The following FSTL5 variants were observed in gnomAD, a reference collection of about 807,000 sequenced individuals.
The protein encoded by FSTL5 is follistatin-related protein 5.
FSTL5 carries 62 observed loss-of-function variants against 89.1 expected under a neutral mutation model. The ratio of observed to expected loss-of-function variants is 0.70; its 90% confidence interval spans 0.57 to 0.86. The LOEUF (loss-of-function observed/expected upper bound fraction) is 0.86, where lower values mean the gene tolerates loss of function less well. Among genes scored for constraint, FSTL5 ranks in the 40% least tolerant of loss-of-function variants. FSTL5 has a pLI of 0.00. For synonymous variants in FSTL5, 383 were observed against 346.2 expected, an observed-to-expected ratio of 1.11 and a Z score of -1.18; for missense variants, 1,057 against 1,001.6, an observed-to-expected ratio of 1.06 and a Z score of -0.75.
At chr4:161,666,208 T>A (rs1047208100) in intron 6 of FSTL5, among the ~76,000 whole-genome samples, 12 of 152,064 alleles carry the variant, frequency 7.9e-5, no homozygotes, top group African/African-American at 2.9e-4. Flanking sequence ...AAGAAAAATT[T>A]AAACAACTCA....
intron 3 of FSTL5, among the ~76,000 whole-genome samples, chr4:161,981,739 C>A (rs1735833607): frequency 1.3e-5 from 2 of 152,042 alleles, no homozygotes; most frequent in Admixed American, 6.6e-5. Flanking sequence ...TTGGACTTTG[C>A]CTTCAATTTA....
chr4:162,065,349 A>G (rs1239645826), intron 2 of FSTL5, among the ~76,000 whole-genome samples: 1 of 151,992 alleles, frequency 6.6e-6, no homozygotes, highest in African/African-American at 2.4e-5. Flanking sequence ...CACAAAACTC[A>G]ATAGCAAAAA....
chr4:161,850,072 C>A (rs1245529702), intron 4 of FSTL5, among the ~76,000 whole-genome samples: 2 of 151,484 alleles, frequency 1.3e-5, no homozygotes, highest in Non-Finnish European at 2.9e-5. Context: ...GTATTTATAC[C>A]CTTTGAGGCC....
At chr4:161,568,552 A>AAAT in intron 8 of FSTL5, among the ~76,000 whole-genome samples, 1 of 152,160 alleles carries the variant, frequency 6.6e-6, no homozygotes, top group South Asian at 2.1e-4. Context: ...TTTTCCCCAT[A>AAAT]AATGAATAGC....
rs547158605 is a variant in FSTL5 at position 161,532,083 on chromosome 4, T to C, written c.1312+6083A>G. On this transcript the variant is annotated intron_variant, in intron 10 of 15. Coordinates refer to ENST00000306100, the MANE Select transcript of FSTL5 (RefSeq NM_020116.5). The stretch of plus-strand genomic sequence containing the variant: ...AGCCGGGCGTGGTGGTGGGCGCCTG[T>C]AGTCCCAGCTACTTGGGAGGCTGAG... Among the ~76,000 whole-genome samples, 1,199 of 151,618 alleles carry C rather than the reference T, an allele frequency of 7.9e-3. 20 individuals carry two copies. Among genetic ancestry groups the C allele is most frequent in the African/African-American group, 0.028 (1,158 of 41,310 alleles).
intron 1 of FSTL5, among the ~76,000 whole-genome samples, chr4:162,124,854 C>T (rs575511060): frequency 3.9e-5 from 6 of 152,290 alleles, no homozygotes; most frequent in Admixed American, 6.5e-5. Context: ...CGCCCGCCAC[C>T]ACGTCCAGCT....
chr4:161,645,936 C>T (rs1362890338), intron 7 of FSTL5, among the ~76,000 whole-genome samples: 1 of 151,450 alleles, frequency 6.6e-6, no homozygotes, highest in Non-Finnish European at 1.5e-5. Flanking sequence ...ATAAGAAGTG[C>T]ATTATTTATA....
chr4:161,918,117 A>T (rs1733889841), intron 4 of FSTL5, among the ~76,000 whole-genome samples: 1 of 152,166 alleles, frequency 6.6e-6, no homozygotes, highest in Non-Finnish European at 1.5e-5. Flanking sequence ...AATATAATTC[A>T]CAATTATAAA....
intron 6 of FSTL5, among the ~76,000 whole-genome samples, chr4:161,698,422 A>T (rs1367092849): frequency 6.6e-6 from 1 of 152,164 alleles, no homozygotes; most frequent in Admixed American, 6.5e-5. Flanking sequence ...GTTAGATAGG[A>T]GGAATAAGTT....
chr4:161,460,891 C>A (rs1337165677), intron 13 of FSTL5, among the ~76,000 whole-genome samples: 1 of 151,808 alleles, frequency 6.6e-6, no homozygotes, highest in Admixed American at 6.6e-5. Flanking sequence ...TTCCTTTTGA[C>A]TGATATTGAG....
intron 8 of FSTL5, among the ~76,000 whole-genome samples, chr4:161,581,696 T>C (rs935750743): frequency 6.6e-5 from 10 of 152,236 alleles, no homozygotes; most frequent in Admixed American, 2.0e-4. Flanking sequence ...GGGTGTTTTA[T>C]ATAGACATCT....
chr4:162,070,516 T>C (rs1729570708), intron 2 of FSTL5, among the ~76,000 whole-genome samples: 1 of 151,796 alleles, frequency 6.6e-6, no homozygotes, highest in African/African-American at 2.4e-5. Context: ...TCATTTTGAG[T>C]TGATTTTTGA....
chr4:161,461,209 C>A (rs751855544), intron 13 of FSTL5, among the ~76,000 whole-genome samples: 11 of 150,558 alleles, frequency 7.3e-5, no homozygotes, highest in Non-Finnish European at 1.5e-4. Context: ...GTAGTCCCAG[C>A]ACTTCAGGAG....
chr4:161,463,858 A>G (rs1324080698), intron 13 of FSTL5, among the ~76,000 whole-genome samples: 1 of 152,160 alleles, frequency 6.6e-6, no homozygotes, highest in Non-Finnish European at 1.5e-5. Flanking sequence ...ATGCAATTGA[A>G]TCTACCTTCT....
intron 15 of FSTL5, among the ~76,000 whole-genome samples, chr4:161,394,990 T>A (rs1418595935): frequency 1.3e-5 from 2 of 152,146 alleles, no homozygotes; most frequent in Non-Finnish European, 2.9e-5. Context: ...ATAGCCTTTT[T>A]GTAGATACCA....
At chr4:161,623,633 AT>A (rs764534190) in intron 7 of FSTL5, among the ~76,000 whole-genome samples, 2 of 150,914 alleles carry the variant, frequency 1.3e-5, no homozygotes, top group East Asian at 1.9e-4. Flanking sequence ...TTTATCAGTG[AT>A]TTTTTTTTCT....
intron 15 of FSTL5, among the ~76,000 whole-genome samples, chr4:161,419,451 C>A (rs1346197710): frequency 6.6e-6 from 1 of 152,112 alleles, no homozygotes; most frequent in Non-Finnish European, 1.5e-5. Flanking sequence ...GAAGAAAATA[C>A]TCCTAAAGAA....
intron 4 of FSTL5, among the ~76,000 whole-genome samples, chr4:161,897,515 C>T (rs561791081): frequency 7.2e-6 from 1 of 138,308 alleles, no homozygotes; most frequent in East Asian, 2.2e-4. Flanking sequence ...GCGGAGGTCA[C>T]GGTGAGCCAA....
In FSTL5 at chr4:162,035,726, T is replaced by C. The variant is rs540349083; in HGVS notation, c.127-2068A>G. ...AATCATTTTGGCTGTCTATTAAGAA[T>C]AGGTTGAAAGGGCAAGGGCAAAGTC... On this transcript the variant is annotated intron_variant, in intron 2 of 15. Coordinates refer to ENST00000306100, the MANE Select transcript of FSTL5 (RefSeq NM_020116.5). 9.2e-5 allele frequency among the ~76,000 whole-genome samples: 14 copies of C among 152,094 alleles called. No individual in the cohort carries two copies. In the South Asian group the frequency reaches 2.9e-3, roughly 32 times the overall value.
Sources: gnomAD v4.1 joint callset for allele counts (sites outside exome capture counted in the v4.1 genomes callset) on GRCh38, gnomAD v4.1.1 for gene constraint, MANE v1.5 for transcripts, NCBI Gene and HGNC (gene_info 2026-07-23, HGNC 2026-07-21) for gene names.